Variants in ATG7 observed in about 807,000 individuals in gnomAD.
ATG7 encodes the protein autophagy related 7.
A neutral mutation model predicts 82.4 loss-of-function variants in ATG7; 70 were observed. The observed-to-expected ratio is 0.85, with a 90% CI of 0.70 to 1.04. ATG7 has a LOEUF of 1.04. Ranked by LOEUF, ATG7 falls within the 50% of genes least tolerant of loss-of-function variation. The pLI is 0.00. For synonymous variants in ATG7, 287 were observed against 313.0 expected, an observed-to-expected ratio of 0.92 and a Z score of 0.88; for missense variants, 792 against 864.3, an observed-to-expected ratio of 0.92 and a Z score of 1.05.
At chr3:11,467,646 G>T (rs987838739) in intron 20 of ATG7, among the ~76,000 whole-genome samples, 1 of 152,192 alleles carries the variant, frequency 6.6e-6, no homozygotes, top group Non-Finnish European at 1.5e-5. Flanking sequence ...AGAGTGCTGG[G>T]ATTACAGGCG....
At chr3:11,478,989 AACACACACACACACACACAC>A (rs71628717) in intron 20 of ATG7, among the ~76,000 whole-genome samples, 1 of 73,134 alleles carries the variant, frequency 1.4e-5, no homozygotes, top group African/African-American at 7.7e-5. Flanking sequence ...GTATATTTAC[AACACACACACACACACACAC>A]ACACACACAC....
intron 18 of ATG7, among the ~76,000 whole-genome samples, chr3:11,367,863 A>T (rs1469387978): frequency 2.0e-5 from 3 of 151,452 alleles, no homozygotes; most frequent in African/African-American, 4.8e-5. Context: ...AAGAATGATT[A>T]AAAAAAATCA....
At chr3:11,501,206 A>G (rs1044115236) in intron 20 of ATG7, among the ~76,000 whole-genome samples, 3 of 152,262 alleles carry the variant, frequency 2.0e-5, no homozygotes, top group Non-Finnish European at 4.4e-5. Context: ...GTGAGCCATG[A>G]TTGTGCTACT....
intron 14 of ATG7, among the ~76,000 whole-genome samples, chr3:11,356,165 G>A (rs1387184418): frequency 6.6e-6 from 1 of 152,204 alleles, no homozygotes; most frequent in African/African-American, 2.4e-5. Context: ...GACCGACTGA[G>A]GGGGAGCACA....
intron 20 of ATG7, among the ~76,000 whole-genome samples, chr3:11,434,281 G>A (rs2083171097): frequency 6.6e-6 from 1 of 152,306 alleles, no homozygotes; most frequent in Middle Eastern, 3.4e-3. Context: ...ATATGCCTTT[G>A]GAGGCCAGCA....
the ATG7 span, among the ~76,000 whole-genome samples, chr3:11,573,730 T>C: frequency 6.6e-6 from 1 of 152,236 alleles, no homozygotes; most frequent in Non-Finnish European, 1.5e-5. Flanking sequence ...TTACTGACCA[T>C]TCTACTTTAT....
At chr3:11,527,061 GTGTGTGTGTGTATATA>G (rs1468092914) in intron 20 of ATG7, among the ~76,000 whole-genome samples, 7 of 103,906 alleles carry the variant, frequency 6.7e-5, no homozygotes, top group South Asian at 3.1e-4. Flanking sequence ...GTGTGTGTGT[GTGTGTGTGTGTATATA>G]TATATATATA....
intron 19 of ATG7, among the ~76,000 whole-genome samples, chr3:11,411,756 T>C (rs1259352737): frequency 2.6e-5 from 4 of 152,112 alleles, no homozygotes; most frequent in Non-Finnish European, 4.4e-5. Flanking sequence ...TTTTGTTTCC[T>C]GTGCCTTTGA....
intron 20 of ATG7, among the ~76,000 whole-genome samples, chr3:11,489,120 G>A (rs1224830399): frequency 6.6e-6 from 1 of 152,158 alleles, no homozygotes; most frequent in Non-Finnish European, 1.5e-5. Context: ...CTTCTTCCTG[G>A]TTTAGTCTTG....
intron 20 of ATG7, among the ~76,000 whole-genome samples, chr3:11,532,676 CTG>C (rs1241801628): frequency 4.6e-5 from 7 of 152,168 alleles, no homozygotes; most frequent in Non-Finnish European, 7.4e-5. Flanking sequence ...TGAGTCATGA[CTG>C]TGCCACTGCA....
chr3:11,495,324 A>C (rs2090739741), intron 20 of ATG7, among the ~76,000 whole-genome samples: 1 of 152,182 alleles, frequency 6.6e-6, no homozygotes. Flanking sequence ...TTCCTGCTAC[A>C]GGTAGTAGTG....
intron 20 of ATG7, among the ~76,000 whole-genome samples, chr3:11,526,270 A>G (rs981475806): frequency 3.3e-5 from 5 of 152,080 alleles, no homozygotes; most frequent in African/African-American, 1.2e-4. Context: ...GCATGCCTGT[A>G]ATCCCAGCTA....
chr3:11,565,671 G>A, the ATG7 span, among the ~76,000 whole-genome samples: 1 of 152,214 alleles, frequency 6.6e-6, no homozygotes, highest in Non-Finnish European at 1.5e-5. This position sits in a 1 kb window ranked among gnomAD's most constrained non-coding sequence, Gnocchi z 4.1. Flanking sequence ...CAGGACACAC[G>A]AGCAGGAGTG....
chr3:11,486,080 A>C (rs965510347), intron 20 of ATG7, among the ~76,000 whole-genome samples: 5 of 152,204 alleles, frequency 3.3e-5, no homozygotes, highest in Non-Finnish European at 7.3e-5. Context: ...TCTGTGAAGA[A>C]GGTCCTTGGT....
intron 14 of ATG7, among the ~76,000 whole-genome samples, chr3:11,353,858 A>G (rs1471737394): frequency 9.9e-5 from 15 of 152,186 alleles, no homozygotes; most frequent in Admixed American, 9.8e-4. Flanking sequence ...AATTGCTTCA[A>G]ATATTCCTTT....
Position 11,554,916 on chromosome 3 carries a change from C to T in ATG7, c.*73C>T. On this transcript the variant is annotated 3_prime_UTR_variant, in exon 21 of 21. Transcript: ENST00000693202. Reference sequence around the variant, plus strand: ...GCTCTCCATCGCCAGAGCAGGACTGCTGACCCCAGGCCTGGTGATTCTGGG... The same window carrying T: ...GCTCTCCATCGCCAGAGCAGGACTGTTGACCCCAGGCCTGGTGATTCTGGG... The T allele has an allele frequency of 1.3e-6, 2 of 1,559,886 alleles. No individual in the cohort carries two copies. The highest frequency in any genetic ancestry group is 2.3e-5 in the East Asian group (1 of 43,810).
At chr3:11,549,898 CTGGCCTTTAGCTTCAGCTCT>C (rs1182395418) in intron 20 of ATG7, among the ~76,000 whole-genome samples, 1 of 152,224 alleles carries the variant, frequency 6.6e-6, no homozygotes, top group Non-Finnish European at 1.5e-5. Context: ...TCGGGCATCG[CTGGCCTTTAGCTTCAGCTCT>C]CCGAGGAGGT....
At chr3:11,290,433 CTG>C in intron 3 of ATG7, 1 of 239,706 alleles carries the variant, frequency 4.2e-6, no homozygotes, top group South Asian at 4.0e-5. Context: ...TTGAGGAACT[CTG>C]TATTTATCAG....
chr3:11,535,087 G>C (rs538670308), intron 20 of ATG7, among the ~76,000 whole-genome samples: 13 of 152,378 alleles, frequency 8.5e-5, no homozygotes, highest in African/African-American at 3.1e-4. Flanking sequence ...TAAAGGCCCA[G>C]CGGATTCTTC....
Sources: gnomAD v4.1 joint callset for allele counts (sites outside exome capture counted in the v4.1 genomes callset) on GRCh38, gnomAD v4.1.1 for gene constraint, Gnocchi (gnomAD v3.1) non-coding constraint, MANE v1.5 for transcripts, NCBI Gene and HGNC (gene_info 2026-07-23, HGNC 2026-07-21) for gene names.